SLC5A1: variants seen among roughly 807,000 people sequenced by gnomAD.
The protein encoded by SLC5A1 is sodium/glucose cotransporter 1.
Under a neutral mutation model 73.5 loss-of-function variants are expected in SLC5A1, and 42 were observed. The ratio of observed to expected loss-of-function variants is 0.57; its 90% CI spans 0.45 to 0.74. The LOEUF is 0.74. Among genes scored for constraint, SLC5A1 ranks in the 30% least tolerant of loss-of-function variants. SLC5A1 has a pLI of 0.00. For missense variants in SLC5A1, 634 were observed against 855.4 expected (o/e 0.74, Z 3.23); for synonymous variants, 300 against 317.4 (o/e 0.95, Z 0.58).
At chr22:32,072,007 ATT>A (rs992701952) in intron 5 of SLC5A1, among the ~76,000 whole-genome samples, 3 of 152,144 alleles carry the variant, frequency 2.0e-5, no homozygotes, top group African/African-American at 7.2e-5. Context: ...ACATTTTGCC[ATT>A]TTTGGTTCAT....
rs202167551 is a variant in SLC5A1 at position 32,104,748 on chromosome 22, T to A, written c.1666-38T>A. 3 of 1,548,868 alleles carry A rather than the reference T, an allele frequency of 1.9e-6. No individual in the cohort carries two copies. In the East Asian group the frequency reaches 6.7e-5, roughly 35 times the overall value. On this transcript the variant is annotated intron_variant, in intron 13 of 14. Transcript: ENST00000266088. ...CCAACTTCTTGTCCCAAGATGCTAT[T>A]TGGATCTTTCTGTTGACCTGTTCTG...
chr22:32,080,535 T>G (rs760499708), intron 5 of SLC5A1, among the ~76,000 whole-genome samples: 4 of 151,942 alleles, frequency 2.6e-5, no homozygotes, highest in Admixed American at 2.6e-4. Flanking sequence ...ATGCAAGATA[T>G]AAGAGGAGAT....
chr22:32,108,634 G>A (rs926935564), intron 14 of SLC5A1, among the ~76,000 whole-genome samples: 4 of 152,274 alleles, frequency 2.6e-5, no homozygotes, highest in African/African-American at 9.6e-5. Context: ...AGGTCTCATT[G>A]TGGTAGAGGC....
intron 5 of SLC5A1, among the ~76,000 whole-genome samples, chr22:32,080,980 T>G (rs1005145860): frequency 1.3e-5 from 2 of 151,826 alleles, no homozygotes; most frequent in African/African-American, 2.4e-5. Context: ...GGCGACAGAG[T>G]GAGACTCTGT....
chr22:32,085,295 A>T lies in SLC5A1; in HGVS notation c.1021+260A>T, dbSNP rs367553491. 4.1e-5 allele frequency among the ~76,000 whole-genome samples: 6 copies of T among 146,228 alleles called. 1 individual carries two copies. The South Asian group carries it at 1.1e-3, about 27-fold the overall frequency. The stretch of plus-strand genomic sequence containing the variant: ...TACCACCATGCCTGCCTAATTTTTA[A>T]TTTTTTTTTTTGTAGCGATGGGATT... On this transcript the variant is annotated intron_variant, in intron 9 of 14. Transcript: ENST00000266088.
chr22:32,052,568 C>T (rs775265335), intron 2 of SLC5A1, among the ~76,000 whole-genome samples: 1 of 152,174 alleles, frequency 6.6e-6, no homozygotes, highest in Non-Finnish European at 1.5e-5. Flanking sequence ...AAGATAAGTA[C>T]TTGACTCTTC....
chr22:32,059,045 T>C, intron 2 of SLC5A1: 1 of 950,020 alleles, frequency 1.1e-6, no homozygotes, highest in Non-Finnish European at 1.3e-6. Flanking sequence ...AGCAGATCTT[T>C]ACTGAGTCCT....
intron 5 of SLC5A1, among the ~76,000 whole-genome samples, chr22:32,074,209 G>C (rs982549841): frequency 6.6e-6 from 1 of 152,198 alleles, no homozygotes; most frequent in Non-Finnish European, 1.5e-5. Flanking sequence ...TTTGTCCTCA[G>C]AGCTGGTGCA....
At chr22:32,052,776 C>A (rs2093946737) in intron 2 of SLC5A1, among the ~76,000 whole-genome samples, 1 of 151,892 alleles carries the variant, frequency 6.6e-6, no homozygotes, top group African/African-American at 2.4e-5. Context: ...AGGCACTTGA[C>A]AAATATGGGC....
chr22:32,049,458 TG>T (rs1359868381), intron 1 of SLC5A1, among the ~76,000 whole-genome samples: 5 of 145,970 alleles, frequency 3.4e-5, no homozygotes, highest in African/African-American at 1.3e-4. Context: ...TTGCCCAGGC[TG>T]GTCTTGAATT....
intron 14 of SLC5A1, among the ~76,000 whole-genome samples, chr22:32,108,137 C>T (rs2094049694): frequency 6.7e-6 from 1 of 148,968 alleles, no homozygotes; most frequent in Non-Finnish European, 1.5e-5. Flanking sequence ...GACAGAGTCT[C>T]ACTCTGTCAC....
chr22:32,085,530 C>T (rs79390247), intron 9 of SLC5A1, among the ~76,000 whole-genome samples: 6,878 of 147,124 alleles, frequency 0.047, 218 homozygotes, highest in Non-Finnish European at 0.073. Context: ...TTTCTTATGT[C>T]GACAATTGTT....
At chr22:32,078,771 G>A (rs1002720306) in intron 5 of SLC5A1, among the ~76,000 whole-genome samples, 2 of 151,794 alleles carry the variant, frequency 1.3e-5, no homozygotes, top group African/African-American at 4.8e-5. Context: ...TGGCCAACAG[G>A]GTGAAACCCT....
chr22:32,089,985 G>A (rs894551054), intron 10 of SLC5A1, among the ~76,000 whole-genome samples: 1 of 151,578 alleles, frequency 6.6e-6, no homozygotes, highest in African/African-American at 2.4e-5. Flanking sequence ...TTGGGAAGGT[G>A]TAGTATTCCG....
intron 2 of SLC5A1, among the ~76,000 whole-genome samples, chr22:32,063,361 G>A (rs958426159): frequency 2.6e-5 from 4 of 152,200 alleles, no homozygotes; most frequent in Non-Finnish European, 5.9e-5. Flanking sequence ...GTCACAACTG[G>A]TTCATTATTT....
chr22:32,052,196 G>A lies in SLC5A1; in HGVS notation c.207+2182G>A, dbSNP rs541595798. ...TCTCTTTCTCCTTGTCTTTTGAGAT[G>A]GAAATTTATGAGGCCAATTGGTGTG... On this transcript the variant is annotated intron_variant, in intron 2 of 14. Transcript: ENST00000266088. Among the ~76,000 whole-genome samples, 13 of 152,262 alleles carry A rather than the reference G, an allele frequency of 8.5e-5. No individual in the cohort carries two copies. The South Asian group carries it at 1.9e-3, about 22-fold the overall frequency.
At chr22:32,097,363 A>G (rs911875776) in intron 11 of SLC5A1, among the ~76,000 whole-genome samples, 1 of 152,248 alleles carries the variant, frequency 6.6e-6, no homozygotes, top group African/African-American at 2.4e-5. Flanking sequence ...GACAGTGGAA[A>G]GGCATTTCAG....
intron 9 of SLC5A1, among the ~76,000 whole-genome samples, chr22:32,085,455 A>G (rs2094006555): frequency 6.6e-6 from 1 of 151,802 alleles, no homozygotes; most frequent in Admixed American, 6.6e-5. Context: ...GTCATATCCA[A>G]GCATTATTGC....
At chr22:32,099,102 AAAAATATATATAT>A (rs1395602875) in intron 11 of SLC5A1, 68 bp from the exon 12 acceptor site, 75 of 129,564 alleles carry the variant, frequency 5.8e-4, no homozygotes, top group Middle Eastern at 3.3e-3. Flanking sequence ...AAAAAAAAAA[AAAAATATATATAT>A]ATATATATAT....
Sources: gnomAD v4.1 joint callset for allele counts (sites outside exome capture counted in the v4.1 genomes callset) on GRCh38, gnomAD v4.1.1 for gene constraint, MANE v1.5 for transcripts, NCBI Gene and HGNC (gene_info 2026-07-23, HGNC 2026-07-21) for gene names.